MLLT3: variants seen among roughly 807,000 people sequenced by gnomAD.
The protein encoded by MLLT3 is MLLT3 super elongation complex subunit.
MLLT3 carries 4 observed loss-of-function variants against 53.2 expected under a neutral mutation model. The observed-to-expected ratio is 0.08, with a 90% CI of 0.04 to 0.17. MLLT3 has a LOEUF of 0.17. Ranked by LOEUF, MLLT3 falls within the 10% of genes least tolerant of loss-of-function variation. The pLI, the probability that MLLT3 is intolerant of heterozygous loss-of-function variation, is 1.00. For synonymous variants in MLLT3, 283 were observed against 230.6 expected (o/e 1.23, Z -2.06); for missense variants, 569 against 684.0 (o/e 0.83, Z 1.87).
At chr9:20,587,743 C>T (rs1414811357) in intron 2 of MLLT3, among the ~76,000 whole-genome samples, 1 of 151,592 alleles carries the variant, frequency 6.6e-6, no homozygotes, top group African/African-American at 2.4e-5. Context: ...GGATATTAGC[C>T]CTTTGTCAGA....
At chr9:20,412,592 C>A (rs1311489459) in intron 5 of MLLT3, among the ~76,000 whole-genome samples, 1 of 152,148 alleles carries the variant, frequency 6.6e-6, no homozygotes, top group African/African-American at 2.4e-5. Context: ...TAGCCTTTGC[C>A]AGCATTTAAA....
intron 2 of MLLT3, among the ~76,000 whole-genome samples, chr9:20,602,226 G>T (rs960290331): frequency 6.6e-6 from 1 of 152,030 alleles, no homozygotes; most frequent in East Asian, 1.9e-4. Context: ...CAAAAATTAA[G>T]AATTACTTTG....
chr9:20,460,946 T>C (rs936747033), intron 2 of MLLT3, among the ~76,000 whole-genome samples: 7 of 152,180 alleles, frequency 4.6e-5, no homozygotes, highest in Non-Finnish European at 8.8e-5. Context: ...TGTTAAGCAA[T>C]TGAGTTAATC....
chr9:20,355,888 T>C (rs189534982), intron 8 of MLLT3, among the ~76,000 whole-genome samples: 2,425 of 152,326 alleles, frequency 0.016, 70 homozygotes, highest in African/African-American at 0.055. Context: ...TTAGTAACAC[T>C]TCTGTCCACA....
intron 2 of MLLT3, among the ~76,000 whole-genome samples, chr9:20,602,761 T>TACAC (rs3086486): frequency 0.16 from 24,023 of 147,082 alleles, 2,025 homozygotes; most frequent in Middle Eastern, 0.19. Context: ...TTAAGTTTGA[T>TACAC]ACACACACAC....
chr9:20,571,290 C>T (rs1819526282), intron 2 of MLLT3, among the ~76,000 whole-genome samples: 1 of 152,174 alleles, frequency 6.6e-6, no homozygotes, highest in South Asian at 2.1e-4. Context: ...GCATAGTGTG[C>T]ACAAGCACAT....
chr9:20,346,748 A>G (rs927755750), intron 10 of MLLT3, among the ~76,000 whole-genome samples, 174 bp from the exon 11 acceptor site: 3 of 152,200 alleles, frequency 2.0e-5, no homozygotes, highest in African/African-American at 7.2e-5. Flanking sequence ...TTGATAAGTC[A>G]AAGGTATATT....
chr9:20,441,565 T>C (rs556703044), intron 4 of MLLT3, among the ~76,000 whole-genome samples: 92 of 152,262 alleles, frequency 6.0e-4, no homozygotes, highest in African/African-American at 2.1e-3. Flanking sequence ...AATTAGCTTC[T>C]AAGAAATAAC....
At chr9:20,559,110 C>T (rs1318979727) in intron 2 of MLLT3, among the ~76,000 whole-genome samples, 1 of 152,002 alleles carries the variant, frequency 6.6e-6, no homozygotes, top group African/African-American at 2.4e-5. Flanking sequence ...TATGGTCTCT[C>T]GGGAATCATT....
At chr9:20,611,654 T>C (rs1188080646) in intron 2 of MLLT3, among the ~76,000 whole-genome samples, 1 of 151,908 alleles carries the variant, frequency 6.6e-6, no homozygotes, top group African/African-American at 2.4e-5. Flanking sequence ...TTTTCTTTAA[T>C]AAAAAAAATG....
chr9:20,421,386 C>G (rs758576785), intron 4 of MLLT3, among the ~76,000 whole-genome samples: 6 of 151,954 alleles, frequency 3.9e-5, no homozygotes, highest in Non-Finnish European at 7.4e-5. Flanking sequence ...AAATTCATAG[C>G]CTTTATTGCG....
At chr9:20,490,440 G>T (rs754915958) in intron 2 of MLLT3, among the ~76,000 whole-genome samples, 1 of 152,226 alleles carries the variant, frequency 6.6e-6, no homozygotes, top group Non-Finnish European at 1.5e-5. Context: ...CACATTCAAG[G>T]ACTGGAGAGA....
chr9:20,417,636 G>A (rs911877886), intron 4 of MLLT3, among the ~76,000 whole-genome samples: 1 of 152,012 alleles, frequency 6.6e-6, no homozygotes, highest in Non-Finnish European at 1.5e-5. Flanking sequence ...TAAGGCAAAT[G>A]ATTGTTTAAA....
intron 5 of MLLT3, among the ~76,000 whole-genome samples, chr9:20,388,971 G>A (rs1482305207): frequency 6.6e-6 from 1 of 152,142 alleles, no homozygotes; most frequent in African/African-American, 2.4e-5. Context: ...AAGAATGTCA[G>A]AAACTGCAAA....
intron 7 of MLLT3, 126 bp from the exon 8 acceptor site, chr9:20,360,967 G>A (rs1821307795): frequency 1.3e-6 from 1 of 763,264 alleles, no homozygotes; most frequent in East Asian, 2.7e-5. Flanking sequence ...TTAACTCACA[G>A]CCGCTAACAC....
rs571731760 is a variant in MLLT3, at chr9:20,602,388, A to G, written c.193+18266T>C. On this transcript the variant is annotated intron_variant, in intron 2 of 10. Coordinates refer to ENST00000380338, the MANE Select transcript of MLLT3 (RefSeq NM_004529.4). ...AACTCATTCAAGCTAGAAGCTTTCA[A>G]TAAGGTTAAATGTGGTCAGAATTTC... Among the ~76,000 whole-genome samples the G allele has an allele frequency of 2.6e-5, 4 of 152,280 alleles. No homozygotes were observed. The South Asian group carries it at 8.3e-4, about 32-fold the overall frequency.
intron 2 of MLLT3, chr9:20,532,796 C>G: frequency 7.7e-6 from 2 of 258,738 alleles, no homozygotes; most frequent in South Asian, 1.2e-4. Flanking sequence ...AGATTATTAA[C>G]CAGTTCACCC....
At chr9:20,359,733 T>C (rs1056000284) in intron 8 of MLLT3, among the ~76,000 whole-genome samples, 1 of 152,214 alleles carries the variant, frequency 6.6e-6, no homozygotes, top group Non-Finnish European at 1.5e-5. Flanking sequence ...CTATTTAAAA[T>C]TGAAGGACAC....
intron 10 of MLLT3, among the ~76,000 whole-genome samples, chr9:20,350,465 G>A (rs1202102075): frequency 6.6e-6 from 1 of 150,880 alleles, no homozygotes; most frequent in South Asian, 2.1e-4. Context: ...CGTGGTGGCG[G>A]GCGCCTGTAG....
Sources: allele counts gnomAD v4.1 joint callset (sites outside exome capture counted in the v4.1 genomes callset), GRCh38; gene constraint gnomAD v4.1.1; transcripts MANE v1.5; gene names NCBI Gene and HGNC (gene_info 2026-07-23, HGNC 2026-07-21).